Variants in PPP1R42 observed in about 807,000 individuals in gnomAD.
PPP1R42 encodes the protein leucine rich repeat containing 67.
In PPP1R42, 34 loss-of-function variants were observed where a neutral mutation model predicts 31.0. The observed-to-expected ratio is 1.10, with a 90% CI of 0.83 to 1.46. The LOEUF (loss-of-function observed/expected upper bound fraction) is 1.46, where lower values mean the gene tolerates loss of function less well. Among genes scored for constraint, PPP1R42 ranks in the 40% most tolerant of loss-of-function variants. The probability of loss-of-function intolerance (pLI) is 0.00; values close to 1 mark genes in which losing one functional copy is unlikely to be tolerated. For missense variants in PPP1R42, 268 were observed against 303.0 expected (o/e 0.88, Z 0.86); for synonymous variants, 103 against 109.8 (o/e 0.94, Z 0.39).
At chr8:67,021,348 C>G (rs1325615649) in intron 1 of PPP1R42, 2 of 151,756 alleles carry the variant, frequency 1.3e-5, no homozygotes, top group Non-Finnish European at 2.9e-5. Flanking sequence ...GTACAGCCTA[C>G]AGAATAAAAT....
intron 5 of PPP1R42, among the ~76,000 whole-genome samples, chr8:67,007,532 G>A (rs1815721957): frequency 6.6e-6 from 1 of 152,076 alleles, no homozygotes; most frequent in South Asian, 2.1e-4. Context: ...GCAAATTATT[G>A]TATAAGGTTT....
intron 5 of PPP1R42, among the ~76,000 whole-genome samples, chr8:66,988,899 G>C (rs1815106778): frequency 6.6e-6 from 1 of 151,918 alleles, no homozygotes; most frequent in Non-Finnish European, 1.5e-5. Flanking sequence ...GTGATTGTAA[G>C]GAATGTGTGT....
chr8:66,966,646 G>A (rs184821786), intron 7 of PPP1R42, among the ~76,000 whole-genome samples: 2 of 152,010 alleles, frequency 1.3e-5, no homozygotes, highest in Non-Finnish European at 2.9e-5. Context: ...CTGGCCGGGC[G>A]TGGTGGCAGG....
chr8:66,965,023 AAGCATATTATAT>A (rs1814341260), intron 7 of PPP1R42, among the ~76,000 whole-genome samples: 1 of 152,186 alleles, frequency 6.6e-6, no homozygotes, highest in Non-Finnish European at 1.5e-5. Context: ...ATACAAATAG[AAGCATATTATAT>A]AGTATGTAGC....
At chr8:66,965,748 C>T (rs146777117) in intron 7 of PPP1R42, among the ~76,000 whole-genome samples, 37 of 152,036 alleles carry the variant, frequency 2.4e-4, no homozygotes, top group African/African-American at 8.2e-4. Flanking sequence ...TAGTGAGACC[C>T]GGTCTGTACA....
intron 5 of PPP1R42, among the ~76,000 whole-genome samples, chr8:67,001,374 C>G (rs1209496010): frequency 1.3e-5 from 2 of 149,694 alleles, no homozygotes; most frequent in Non-Finnish European, 3.0e-5. Context: ...AAAATCCGGT[C>G]CTACTATCTC....
intron 3 of PPP1R42, among the ~76,000 whole-genome samples, chr8:67,013,471 C>A (rs954170350): frequency 1.3e-5 from 2 of 151,714 alleles, no homozygotes; most frequent in Admixed American, 6.6e-5. Flanking sequence ...AATCCCAGCA[C>A]TTTGGGAGCC....
intron 7 of PPP1R42, among the ~76,000 whole-genome samples, chr8:66,969,326 T>G (rs1244951767): frequency 6.6e-6 from 1 of 152,230 alleles, no homozygotes; most frequent in Non-Finnish European, 1.5e-5. Context: ...CAACAAAACT[T>G]AAGAACACTG....
Position 67,010,713 on chromosome 8 carries a change from A to G in PPP1R42, c.552+2T>C, listed in dbSNP as rs1815816535. 3 of 1,555,430 alleles carry G rather than the reference A, an allele frequency of 1.9e-6. No homozygotes were observed. Among genetic ancestry groups the G allele is most frequent in the Non-Finnish European group, 2.6e-6 (3 of 1,135,456 alleles). On this transcript the variant is annotated splice_donor_variant, in intron 5 of 7. Coordinates refer to ENST00000685739, the MANE Select transcript of PPP1R42 (RefSeq NM_001364910.1). LOFTEE classifies it high-confidence loss of function. ...TTAAAAATTAATTTCTCTTTACACT[A>G]CCTTCACATGCAGAAGTTGGTTGTC...
intron 1 of PPP1R42, among the ~76,000 whole-genome samples, chr8:67,027,598 T>G (rs1332981316): frequency 6.6e-6 from 1 of 152,240 alleles, no homozygotes; most frequent in Non-Finnish European, 1.5e-5. Flanking sequence ...ATTCATCTTG[T>G]TAAAAACAAT....
Position 66,971,059 on chromosome 8 carries a change from A to C in PPP1R42, c.803-6725T>G, listed in dbSNP as rs969806575. On this transcript the variant is annotated intron_variant, in intron 7 of 7. Coordinates refer to ENST00000685739, the MANE Select transcript of PPP1R42 (RefSeq NM_001364910.1). Reference sequence around the variant, plus strand: ...ATTTGCATTTACAGGGTATCTCTGTATTTCAGAGAAAAAGGCTAATTTTGG... The same window carrying C: ...ATTTGCATTTACAGGGTATCTCTGTCTTTCAGAGAAAAAGGCTAATTTTGG... The C allele has an allele frequency of 3.2e-5, 49 of 1,533,762 alleles. No homozygotes were observed. The African/African-American group carries it at 5.6e-4, about 18-fold the overall frequency.
At chr8:66,964,404 CAT>C in intron 7 of PPP1R42, 70 bp from the exon 8 acceptor site, 2 of 736,004 alleles carry the variant, frequency 2.7e-6, no homozygotes, top group Middle Eastern at 4.0e-4. Context: ...AGGTAGCAAA[CAT>C]ACAGAATCTA....
chr8:67,024,060 C>T (rs996724164), intron 1 of PPP1R42, among the ~76,000 whole-genome samples: 1 of 151,890 alleles, frequency 6.6e-6, no homozygotes, highest in African/African-American at 2.4e-5. Flanking sequence ...GCAGGAGAAT[C>T]ACTTGAACCC....
At chr8:67,012,104 C>T (rs568322408) in intron 4 of PPP1R42, among the ~76,000 whole-genome samples, 5 of 152,178 alleles carry the variant, frequency 3.3e-5, no homozygotes, top group South Asian at 2.1e-4. Flanking sequence ...GGCGTGGTGG[C>T]GCACGCCTGT....
At chr8:66,971,207 T>C in intron 7 of PPP1R42, 1 of 1,159,878 alleles carries the variant, frequency 8.6e-7, no homozygotes, top group African/African-American at 1.6e-5. Flanking sequence ...AAAAAGGGTA[T>C]AACAATATTA....
chr8:66,991,451 GC>G (rs1002780805), intron 5 of PPP1R42, among the ~76,000 whole-genome samples: 1 of 152,168 alleles, frequency 6.6e-6, no homozygotes, highest in Non-Finnish European at 1.5e-5. Context: ...TTAAACTAGA[GC>G]CCTGTAAGTT....
At chr8:66,997,717 A>ATTT (rs1563423526) in intron 5 of PPP1R42, among the ~76,000 whole-genome samples, 12 of 149,518 alleles carry the variant, frequency 8.0e-5, no homozygotes, top group African/African-American at 2.5e-4. Flanking sequence ...ATTTTTTTTA[A>ATTT]AAAAAAAAAC....
chr8:66,986,186 C>A (rs1815007185), intron 6 of PPP1R42: 1 of 591,640 alleles, frequency 1.7e-6, no homozygotes. Context: ...TTCTCACCCA[C>A]CTTGGAGCCT....
chr8:67,027,725 G>A (rs951649910), intron 1 of PPP1R42, among the ~76,000 whole-genome samples: 4 of 152,186 alleles, frequency 2.6e-5, no homozygotes, highest in Admixed American at 6.5e-5. Flanking sequence ...TAAAAATAAT[G>A]TCCGCACTTG....
Sources: allele counts gnomAD v4.1 joint callset (sites outside exome capture counted in the v4.1 genomes callset), GRCh38; gene constraint gnomAD v4.1.1; transcripts MANE v1.5; gene names NCBI Gene and HGNC (gene_info 2026-07-23, HGNC 2026-07-21).